Variants in SYT14 observed in about 807,000 individuals in gnomAD.
SYT14 encodes the protein synaptotagmin-14.
Under a neutral mutation model 74.2 loss-of-function variants are expected in SYT14, and 32 were observed. The observed-to-expected ratio is 0.43, with a 90% CI of 0.33 to 0.58. SYT14 has a LOEUF of 0.58. SYT14 is among the 20% of genes least tolerant of loss of function. The probability of loss-of-function intolerance (pLI) is 0.05; values close to 1 mark genes in which losing one functional copy is unlikely to be tolerated. For synonymous variants in SYT14, 298 were observed against 337.7 expected (o/e 0.88, Z 1.29); for missense variants, 791 against 981.8 (o/e 0.81, Z 2.60).
At chr1:210,146,753 A>G (rs972607260) in intron 7 of SYT14, among the ~76,000 whole-genome samples, 3 of 151,246 alleles carry the variant, frequency 2.0e-5, no homozygotes, top group African/African-American at 7.3e-5. Flanking sequence ...TACATACTAT[A>G]TGTTATATAT....
chr1:210,013,494 C>A, intron 2 of SYT14, 139 bp from the exon 3 acceptor site: 1 of 824,072 alleles, frequency 1.2e-6, no homozygotes, highest in Non-Finnish European at 1.9e-6. Context: ...TTCTTATAAA[C>A]GAAACTGTTT....
chr1:210,059,883 C>T (rs370327099), intron 5 of SYT14, among the ~76,000 whole-genome samples: 1 of 152,092 alleles, frequency 6.6e-6, no homozygotes. Flanking sequence ...GCATCTCACC[C>T]TCCCATATAA....
chr1:210,141,671 T>A (rs1161885002), intron 7 of SYT14, among the ~76,000 whole-genome samples: 2 of 152,234 alleles, frequency 1.3e-5, no homozygotes, highest in South Asian at 4.1e-4. Context: ...TCAGCTCAGC[T>A]AACAACTGGA....
chr1:210,007,873 ATAT>A (rs1451000721), intron 2 of SYT14, among the ~76,000 whole-genome samples: 1 of 152,164 alleles, frequency 6.6e-6, no homozygotes, highest in Non-Finnish European at 1.5e-5. Flanking sequence ...GACTAAGATA[ATAT>A]TATAGTACTT....
exon 3 of SYT14, chr1:210,013,783 C>T: frequency 6.2e-7 from 1 of 1,611,730 alleles, no homozygotes; most frequent in Non-Finnish European, 8.5e-7. Flanking sequence ...AGGAAGAATT[C>T]ACAAGATAAA....
intron 3 of SYT14, among the ~76,000 whole-genome samples, chr1:210,014,181 A>G (rs2080140544): frequency 6.6e-6 from 1 of 152,126 alleles, no homozygotes; most frequent in Admixed American, 6.5e-5. Flanking sequence ...TGCTTTTGAA[A>G]GTATTCACCC....
At chr1:210,026,166 A>G (rs534866977) in intron 5 of SYT14, among the ~76,000 whole-genome samples, 26 of 152,274 alleles carry the variant, frequency 1.7e-4, no homozygotes, top group African/African-American at 6.0e-4. Flanking sequence ...CATTAAAATA[A>G]TTTATTAAAT....
At position 210,083,776 on chromosome 1, in the gene SYT14, C is replaced by T. The variant is rs1298404597; in HGVS notation, c.1313-10546C>T. On this transcript the variant is annotated intron_variant, in intron 5 of 9. Transcript: ENST00000637265. Reference sequence around the variant, plus strand: ...TAGAGATGAACTTTCGCCACATTGCCCAGGCTTAGTCTCGAACTCCTGGGC... The same window carrying T: ...TAGAGATGAACTTTCGCCACATTGCTCAGGCTTAGTCTCGAACTCCTGGGC... Among the ~76,000 whole-genome samples, 3 of 151,034 alleles carry T rather than the reference C, an allele frequency of 2.0e-5. No individual in the cohort carries two copies. In the South Asian group the frequency reaches 6.4e-4, roughly 32 times the overall value.
chr1:209,988,986 C>T (rs1478328075), intron 2 of SYT14, among the ~76,000 whole-genome samples: 1 of 152,176 alleles, frequency 6.6e-6, no homozygotes, highest in Non-Finnish European at 1.5e-5. Context: ...TCAACACTCA[C>T]CTGACTGTAC....
Position 210,136,073 on chromosome 1 carries a change from C to T in SYT14, c.2035-19648C>T, listed in dbSNP as rs1316317788. Among the ~76,000 whole-genome samples, 6 of 152,036 alleles carry T rather than the reference C, an allele frequency of 3.9e-5. No homozygotes were observed. In the East Asian group the frequency reaches 1.2e-3, roughly 29 times the overall value. On this transcript the variant is annotated intron_variant, in intron 7 of 9. Coordinates refer to ENST00000637265, the Ensembl canonical transcript of SYT14. ...ATGGCTGAGACAAATTCACTGAAGC[C>T]TGATATTTAGGATGTGAGACAAGAA... is the stretch of plus-strand genomic sequence containing the variant.
intron 5 of SYT14, among the ~76,000 whole-genome samples, chr1:210,051,410 G>T (rs2080993537): frequency 2.0e-5 from 3 of 152,118 alleles, no homozygotes. Context: ...TCGATGTTGA[G>T]TTTTTCAATT....
chr1:210,020,333 G>C (rs1260791426), intron 4 of SYT14, among the ~76,000 whole-genome samples: 1 of 152,034 alleles, frequency 6.6e-6, no homozygotes. Flanking sequence ...ACAGTGCAGT[G>C]AATTGTCTCA....
In SYT14 at chr1:210,086,658, C is replaced by T. The variant is rs140279882; in HGVS notation, c.1313-7664C>T. The stretch of plus-strand genomic sequence containing the variant: ...ATAGATTTAGAAGCCAAGACCCAGG[C>T]GCTCAGTGGACTCACTGCTGTTGAG... On this transcript the variant is annotated intron_variant, in intron 5 of 9. Transcript: ENST00000637265. 1.2e-3 allele frequency among the ~76,000 whole-genome samples: 186 copies of T among 152,288 alleles called. 1 individual carries two copies. The highest frequency in any genetic ancestry group is 4.2e-3 in the African/African-American group (173 of 41,542).
intron 7 of SYT14, among the ~76,000 whole-genome samples, chr1:210,132,946 TC>T (rs2082708284): frequency 6.6e-6 from 1 of 152,200 alleles, no homozygotes; most frequent in Non-Finnish European, 1.5e-5. Flanking sequence ...TGACTTCATT[TC>T]CACACTTTGA....
chr1:210,003,072 A>G lies in SYT14; in HGVS notation c.-485-10561A>G, dbSNP rs1334570. 7.9e-3 allele frequency among the ~76,000 whole-genome samples: 1,198 copies of G among 152,292 alleles called. 21 individuals are homozygous for G. The highest frequency in any genetic ancestry group is 0.028 in the African/African-American group (1,144 of 41,560). Reference sequence around the variant, plus strand: ...TTCTACAAAATTGATTGGCTAAAGCATTTCACATTTAGATCTATAGTCTAT... The same window carrying G: ...TTCTACAAAATTGATTGGCTAAAGCGTTTCACATTTAGATCTATAGTCTAT... On this transcript the variant is annotated intron_variant, in intron 2 of 9. Coordinates refer to ENST00000637265, the Ensembl canonical transcript of SYT14.
At chr1:209,969,808 G>T (rs1487925708) in intron 2 of SYT14, among the ~76,000 whole-genome samples, 6 of 152,092 alleles carry the variant, frequency 3.9e-5, no homozygotes, top group African/African-American at 1.2e-4. Flanking sequence ...TCATTTCTCT[G>T]ATGATTAGTG....
At chr1:210,120,244 C>A (rs2102607028) in intron 7 of SYT14, among the ~76,000 whole-genome samples, 1 of 152,020 alleles carries the variant, frequency 6.6e-6, no homozygotes, top group African/African-American at 2.4e-5. Context: ...ATATTATAAT[C>A]AAATTATATA....
chr1:210,061,590 C>T (rs534965812), intron 5 of SYT14, among the ~76,000 whole-genome samples: 2 of 151,900 alleles, frequency 1.3e-5, no homozygotes, highest in African/African-American at 4.8e-5. Context: ...ACATGCTTAA[C>T]TAAGAAAACT....
chr1:210,077,575 G>A (rs540669249), intron 5 of SYT14, among the ~76,000 whole-genome samples: 1 of 152,280 alleles, frequency 6.6e-6, no homozygotes, highest in African/African-American at 2.4e-5. Context: ...TCGTTGTGTG[G>A]ATACATGTTT....
Sources: gnomAD v4.1 joint callset for allele counts (sites outside exome capture counted in the v4.1 genomes callset) on GRCh38, gnomAD v4.1.1 for gene constraint, MANE v1.5 for transcripts, NCBI Gene and HGNC (gene_info 2026-07-23, HGNC 2026-07-21) for gene names.